Variants in SULF2 observed in about 807,000 individuals in gnomAD.
SULF2 encodes the protein sulfatase 2, also known as extracellular sulfatase Sulf-2.
Under a neutral mutation model 107.7 loss-of-function variants are expected in SULF2, and 52 were observed. That is an observed-to-expected ratio of 0.48 (90% CI 0.39 to 0.61). The LOEUF (loss-of-function observed/expected upper bound fraction) is 0.61. Ranked by LOEUF, SULF2 falls within the 20% of genes least tolerant of loss-of-function variation. The pLI is 0.00. For synonymous variants in SULF2, 460 were observed against 464.3 expected, an observed-to-expected ratio of 0.99 and a Z score of 0.12; for missense variants, 993 against 1,177.3, an observed-to-expected ratio of 0.84 and a Z score of 2.29.
In SULF2 at chr20:47,663,187, G is replaced by A. The variant is rs181616747; in HGVS notation, c.2253C>T (p.Ser751=). The change falls in exon 17 of 21, where the codon AGC becomes AGT. Residue 751 remains serine (S), a synonymous_variant. Coordinates refer to ENST00000688720, the MANE Select transcript of SULF2 (RefSeq NM_001387048.1). ...WTLGPFCACT[S]ANNNTYWCMR... is the part of the protein sequence containing the mutation. ...TGCACCAGTACGTGTTATTGTTGGC[G>A]CTGGTGCAGGCACAGAAAGGCCCCA... 79 of 1,614,136 alleles carry A rather than the reference G, an allele frequency of 4.9e-5. No individual in the cohort carries two copies. In the Admixed American group the frequency reaches 7.7e-4, roughly 16 times the overall value.
chr20:47,706,145 C>T (rs1016198311), intron 3 of SULF2, among the ~76,000 whole-genome samples: 2 of 152,076 alleles, frequency 1.3e-5, no homozygotes, highest in Non-Finnish European at 2.9e-5. Context: ...GTCCAACCCT[C>T]CAGCATCTCA....
chr20:47,721,033 C>T (rs995953621), intron 3 of SULF2, among the ~76,000 whole-genome samples: 1 of 152,020 alleles, frequency 6.6e-6, no homozygotes, highest in African/African-American at 2.4e-5. Context: ...ATTAAATAAA[C>T]CCAGAGCTCC....
chr20:47,745,382 GAAAAA>G (rs1158560282), intron 2 of SULF2, among the ~76,000 whole-genome samples: 926 of 51,562 alleles, frequency 0.018, 7 homozygotes, highest in Non-Finnish European at 0.029. Context: ...AGTTTTGAGG[GAAAAA>G]AAAAAAAAAA....
chr20:47,755,274 G>C (rs2090254627), intron 2 of SULF2, among the ~76,000 whole-genome samples: 1 of 152,168 alleles, frequency 6.6e-6, no homozygotes, highest in Non-Finnish European at 1.5e-5. Context: ...TCTCTCCTGT[G>C]TCTACTTCAT....
intron 11 of SULF2, among the ~76,000 whole-genome samples, chr20:47,669,188 T>G (rs937227363): frequency 6.6e-5 from 10 of 152,126 alleles, no homozygotes; most frequent in Non-Finnish European, 1.5e-4. Flanking sequence ...GTTCAAGAAA[T>G]GAATGAACCC....
chr20:47,690,513 T>A (rs1041615630), intron 4 of SULF2, among the ~76,000 whole-genome samples: 9 of 152,130 alleles, frequency 5.9e-5, no homozygotes, highest in African/African-American at 2.2e-4. Flanking sequence ...GCTAAGCTAA[T>A]TGGACATAAA....
intron 2 of SULF2, among the ~76,000 whole-genome samples, chr20:47,756,423 C>G (rs1736145301): frequency 6.6e-6 from 1 of 152,158 alleles, no homozygotes; most frequent in Non-Finnish European, 1.5e-5. Context: ...TTGCAAGGAA[C>G]AACTTGGTTT....
At chr20:47,739,466 G>T (rs769624428) in intron 2 of SULF2, among the ~76,000 whole-genome samples, 1 of 152,038 alleles carries the variant, frequency 6.6e-6, no homozygotes, top group Non-Finnish European at 1.5e-5. Flanking sequence ...TGCCTCAGCC[G>T]TACCCCCAGC....
rs776544977 is a variant in SULF2, at chr20:47,736,871, C to T, written c.247G>A (p.Val83Met). The change falls in exon 3 of 21, where the codon GTG (valine) becomes ATG (methionine). Residue 83 changes from valine (V) to methionine (M), a missense_variant. Val to Met is a conservative substitution (Grantham distance 21). Coordinates refer to ENST00000688720, the MANE Select transcript of SULF2 (RefSeq NM_001387048.1). ...QGGAHFINAF[V>M]TTPMCCPSRS... ...GAGGGGCAGCACATGGGTGTGGTCACGAAGGCGTTGATGAAGTGCGCCCCG... is the reference window on the plus strand; with the variant it reads ...GAGGGGCAGCACATGGGTGTGGTCATGAAGGCGTTGATGAAGTGCGCCCCG... 3.7e-6 allele frequency: 6 copies of T among 1,614,214 alleles called. No individual in the cohort carries two copies. Among genetic ancestry groups the T allele is most frequent in the Non-Finnish European group, 5.1e-6 (6 of 1,180,030 alleles).
chr20:47,721,989 C>G (rs2089308928), intron 3 of SULF2, among the ~76,000 whole-genome samples: 1 of 152,140 alleles, frequency 6.6e-6, no homozygotes, highest in Non-Finnish European at 1.5e-5. Flanking sequence ...TCTCTTTCAG[C>G]TGGGGTCACC....
At chr20:47,679,106 C>A (rs1011814757) in intron 7 of SULF2, among the ~76,000 whole-genome samples, 1 of 151,766 alleles carries the variant, frequency 6.6e-6, no homozygotes, top group Non-Finnish European at 1.5e-5. Context: ...GGCGACCCCC[C>A]CTTTACAGCC....
chr20:47,682,596 C>T (rs1478941707), intron 7 of SULF2, among the ~76,000 whole-genome samples: 1 of 152,206 alleles, frequency 6.6e-6, no homozygotes, highest in Non-Finnish European at 1.5e-5. Context: ...GTTGGCTCAG[C>T]TGATCCCAGC....
At chr20:47,708,489 G>C (rs74848287) in intron 3 of SULF2, among the ~76,000 whole-genome samples, 1 of 152,058 alleles carries the variant, frequency 6.6e-6, no homozygotes, top group African/African-American at 2.4e-5. Context: ...GCCAGATTTT[G>C]CCTTTTGTGC....
chr20:47,711,382 C>T (rs1402213699), intron 3 of SULF2, among the ~76,000 whole-genome samples: 1 of 152,264 alleles, frequency 6.6e-6, no homozygotes, highest in African/African-American at 2.4e-5. Flanking sequence ...CCCCCACCCA[C>T]TGCTATGCAC....
intron 4 of SULF2, 149 bp downstream of exon 4, chr20:47,702,370 A>C: frequency 1.1e-6 from 1 of 874,350 alleles, no homozygotes; most frequent in African/African-American, 1.7e-5. Context: ...GAGAGATGAA[A>C]AACTGAGGAG....
intron 7 of SULF2, among the ~76,000 whole-genome samples, chr20:47,681,804 G>A (rs1233340625): frequency 6.6e-6 from 1 of 152,204 alleles, no homozygotes; most frequent in South Asian, 2.1e-4. Context: ...TCCTGCCTCA[G>A]CCTCCTGAGT....
Position 47,785,436 on chromosome 20 carries a change from C to CGCCGCCGCTGCCGCT in SULF2, c.-209_-195dup, listed in dbSNP as rs1204013871. ...GGGCCGCTGGGCGCAGGGGACTCCG[C>CGCCGCCGCTGCCGCT]GCCGCCGCTGCCGCTGCCGCCGCCG... On this transcript the variant is annotated 5_prime_UTR_variant, in exon 1 of 21. Coordinates refer to ENST00000688720, the MANE Select transcript of SULF2 (RefSeq NM_001387048.1). The CGCCGCCGCTGCCGCT allele has an allele frequency of 2.0e-5, 3 of 150,640 alleles. No homozygotes were observed. Among genetic ancestry groups the CGCCGCCGCTGCCGCT allele is most frequent in the South Asian group, 1.8e-4 (1 of 5,532 alleles). The allele number at this position is 150,640 out of a possible 1,614,324, so 9.3% of individuals were successfully genotyped here. A position where few individuals can be genotyped will look rare whatever the true frequency, so the allele number is the denominator to read the frequency against.
In SULF2 at chr20:47,658,217, G is replaced by C. The variant is rs2086955245; in HGVS notation, c.*145C>G. The C allele has an allele frequency of 2.5e-6, 2 of 793,496 alleles. No individual in the cohort carries two copies. The highest frequency in any genetic ancestry group is 4.4e-6 in the Non-Finnish European group (2 of 456,520). The allele number at this position is 793,496 out of a possible 1,614,324, so 49.2% of individuals were successfully genotyped here. On this transcript the variant is annotated 3_prime_UTR_variant, in exon 21 of 21. Transcript: ENST00000688720. ...TCCTGCTGGTTATCCTCCAGAATCT[G>C]TCATGTTGACTGAGAGTGCGTGCTT...
rs1210148559 is a variant in SULF2, at chr20:47,694,492, C to G, written c.568-4197G>C. Among the ~76,000 whole-genome samples the G allele has an allele frequency of 1.3e-5, 2 of 152,216 alleles. No individual in the cohort carries two copies. Among genetic ancestry groups the G allele is most frequent in the African/African-American group, 4.8e-5 (2 of 41,454 alleles). ...GGAGGGTGAGATGGGTGGAGGTCCACAGGCCCAGGTGCATTTTCCAGAACC... is the reference window on the plus strand; with the variant it reads ...GGAGGGTGAGATGGGTGGAGGTCCAGAGGCCCAGGTGCATTTTCCAGAACC... On this transcript the variant is annotated intron_variant, in intron 4 of 20. Coordinates refer to ENST00000688720, the MANE Select transcript of SULF2 (RefSeq NM_001387048.1). The surrounding 1 kb of genome is among the most constrained non-coding windows in gnomAD (Gnocchi z 4.4).
Sources: allele counts gnomAD v4.1 joint callset (sites outside exome capture counted in the v4.1 genomes callset), GRCh38; gene constraint gnomAD v4.1.1; non-coding constraint Gnocchi (gnomAD v3.1); transcripts MANE v1.5; gene names NCBI Gene and HGNC (gene_info 2026-07-23, HGNC 2026-07-21).